PTPRJ: variants seen among roughly 807,000 people sequenced by gnomAD.
The protein encoded by PTPRJ is receptor-type tyrosine-protein phosphatase eta.
PTPRJ carries 129 observed loss-of-function variants against 141.3 expected under a neutral mutation model. The ratio of observed to expected loss-of-function variants is 0.91; its 90% CI spans 0.79 to 1.06. The LOEUF (loss-of-function observed/expected upper bound fraction) is 1.06. Among genes scored for constraint, PTPRJ ranks in the 50% least tolerant of loss-of-function variants. PTPRJ has a pLI of 0.00. For synonymous variants in PTPRJ, 610 were observed against 640.5 expected (o/e 0.95, Z 0.72); for missense variants, 1,601 against 1,679.7 (o/e 0.95, Z 0.82).
chr11:48,138,823 C>T (rs1032305135), intron 10 of PTPRJ, among the ~76,000 whole-genome samples: 1 of 152,158 alleles, frequency 6.6e-6, no homozygotes, highest in African/African-American at 2.4e-5. Flanking sequence ...ATAGGCCTCA[C>T]CTGTCTCAGA....
At position 48,132,698 on chromosome 11, in the gene PTPRJ, C is replaced by CAT. The variant is rs35135383; in HGVS notation, c.1615+1996_1615+1997dup. The CAT allele has an allele frequency of 8.8e-3, 7,515 of 849,462 alleles. 221 individuals are homozygous for CAT. In the African/African-American group the frequency reaches 0.09, roughly 10 times the overall value. 52.6% of individuals were successfully genotyped at this position (849,462 alleles called of 1,614,324 possible). ...CCTAGAACTTAAAGTATAATAAAAA[C>CAT]ATATATATATATATAAAAGAAATGG... On this transcript the variant is annotated intron_variant, in intron 8 of 24. Transcript: ENST00000418331.
intron 1 of PTPRJ, among the ~76,000 whole-genome samples, chr11:48,067,733 G>T (rs1186028262): frequency 6.6e-6 from 1 of 152,160 alleles, no homozygotes; most frequent in African/African-American, 2.4e-5. Context: ...ATGTTTTACA[G>T]ATTGGTCCAA....
At chr11:48,037,902 T>C (rs66468432) in intron 1 of PTPRJ, among the ~76,000 whole-genome samples, 8,824 of 152,038 alleles carry the variant, frequency 0.058, 300 homozygotes, top group Middle Eastern at 0.11. Flanking sequence ...TTTCACTTCC[T>C]GTTCTTTCTG....
chr11:47,998,641 C>T (rs991492710), intron 1 of PTPRJ, among the ~76,000 whole-genome samples: 12 of 152,130 alleles, frequency 7.9e-5, no homozygotes, highest in Non-Finnish European at 1.0e-4. Context: ...ATCAAGATTC[C>T]GTGAAAAAAT....
In PTPRJ at chr11:47,980,850, G is replaced by A; in HGVS notation, c.-63G>A. 1 of 1,073,698 alleles carries A rather than the reference G, an allele frequency of 9.3e-7. No individual in the cohort carries two copies. The highest frequency in any genetic ancestry group is 1.1e-6 in the Non-Finnish European group (1 of 889,146). 66.5% of individuals were successfully genotyped at this position (1,073,698 alleles called of 1,614,324 possible). A position where few individuals can be genotyped will look rare whatever the true frequency, so the allele number is the denominator to read the frequency against. Reference sequence around the variant, plus strand: ...GCAGGAGGCGGCGACGACGGTGCCCGGGCTCGGGCGCACGGCGGGGCCCGA... The same window carrying A: ...GCAGGAGGCGGCGACGACGGTGCCCAGGCTCGGGCGCACGGCGGGGCCCGA... On this transcript the variant is annotated 5_prime_UTR_variant, in exon 1 of 25. Transcript: ENST00000418331.
intron 1 of PTPRJ, among the ~76,000 whole-genome samples, chr11:48,070,410 A>T (rs1198824269): frequency 6.6e-6 from 1 of 151,566 alleles, no homozygotes; most frequent in Non-Finnish European, 1.5e-5. Flanking sequence ...GCTGGGCAGG[A>T]GAACTGCTGG....
rs976171567 is a variant in PTPRJ at position 48,145,005 on chromosome 11, G to T, written c.2792G>T (p.Cys931Phe). 6.2e-7 allele frequency: 1 copy of T among 1,614,176 alleles called. No individual in the cohort carries two copies. The highest frequency in any genetic ancestry group is 1.7e-5 in the Admixed American group (1 of 60,014). ...KLEPLGSYRA[C>F]VAGFTNITFH... Reference sequence around the variant, plus strand: ...TGCTCTTTGTTATCCCACAGGGCTTGTGTGGCTGGCTTCACCAACATTACC... The same window carrying T: ...TGCTCTTTGTTATCCCACAGGGCTTTTGTGGCTGGCTTCACCAACATTACC... The change falls in exon 14 of 25, where the codon TGT becomes TTT. Residue 931 changes from cysteine to phenylalanine, a missense_variant. Cys to Phe is a radical substitution (Grantham distance 205). Transcript: ENST00000418331.
chr11:48,027,314 C>T lies in PTPRJ; in HGVS notation c.96+46306C>T, dbSNP rs1853843897. Among the ~76,000 whole-genome samples the T allele has an allele frequency of 2.0e-5, 3 of 151,810 alleles. No individual in the cohort carries two copies. The South Asian group carries it at 6.2e-4, about 32-fold the overall frequency. On this transcript the variant is annotated intron_variant, in intron 1 of 24. Coordinates refer to ENST00000418331, the MANE Select transcript of PTPRJ (RefSeq NM_002843.4). Reference sequence around the variant, plus strand: ...GAGCCACCGCGCCCGGCCCGGAATACCCTTAAAATATAGCCAGAAAGGGCT... The same window carrying T: ...GAGCCACCGCGCCCGGCCCGGAATATCCTTAAAATATAGCCAGAAAGGGCT...
Position 48,048,564 on chromosome 11 carries a change from C to T in PTPRJ, c.97-61494C>T, listed in dbSNP as rs766105254. 2.6e-5 allele frequency among the ~76,000 whole-genome samples: 4 copies of T among 152,250 alleles called. No individual in the cohort carries two copies. The East Asian group carries it at 7.7e-4, about 29-fold the overall frequency. On this transcript the variant is annotated intron_variant, in intron 1 of 24. Transcript: ENST00000418331. Reference sequence around the variant, plus strand: ...ATCTCAGCACTTTGGGAGGCTGAGGCGGGCAGATCACTTGAGCCCAGGAGT... The same window carrying T: ...ATCTCAGCACTTTGGGAGGCTGAGGTGGGCAGATCACTTGAGCCCAGGAGT...
rs1171001184 is a variant in PTPRJ at position 48,153,872 on chromosome 11, A to C, written c.3215A>C (p.Asn1072Thr). The change falls in exon 19 of 25, where the codon AAT becomes ACT. Residue 1072 changes from asparagine to threonine, a missense_variant. Coordinates refer to ENST00000418331, the MANE Select transcript of PTPRJ (RefSeq NM_002843.4). ...GAGAATAGAGGAAAGAATCGCTATA[A>C]TAATGTTCTGCCCTGTAAGTTATTT... ...LAENRGKNRY[N>T]NVLPYDISRV... 8.1e-6 allele frequency: 13 copies of C among 1,611,676 alleles called. No homozygotes were observed. Among genetic ancestry groups the C allele is most frequent in the Non-Finnish European group, 1.1e-5 (13 of 1,177,928 alleles).
At chr11:48,098,147 C>T (rs1231864529) in intron 1 of PTPRJ, among the ~76,000 whole-genome samples, 1 of 152,166 alleles carries the variant, frequency 6.6e-6, no homozygotes, top group Non-Finnish European at 1.5e-5. Context: ...CCGCGCATGC[C>T]TATTCAGTCT....
chr11:48,135,198 G>A (rs1273938603), intron 8 of PTPRJ, among the ~76,000 whole-genome samples: 3 of 131,830 alleles, frequency 2.3e-5, no homozygotes, highest in Non-Finnish European at 4.7e-5. Flanking sequence ...TTTTGAGATG[G>A]AGTTTCGCTC....
chr11:48,167,562 A>G lies in PTPRJ; in HGVS notation c.*200A>G. 1 of 484,946 alleles carries G rather than the reference A, an allele frequency of 2.1e-6. No individual in the cohort carries two copies. Among genetic ancestry groups the G allele is most frequent in the Non-Finnish European group, 3.4e-6 (1 of 290,138 alleles). The allele number at this position is 484,946 out of a possible 1,614,324, so 30.0% of individuals were successfully genotyped here. On this transcript the variant is annotated 3_prime_UTR_variant, in exon 25 of 25. Transcript: ENST00000418331. Reference sequence around the variant, plus strand: ...CGGGGGCTGTGGATGGGTGGGGAGCAAATCATCTGCATTCCTGATGACCAA... The same window carrying G: ...CGGGGGCTGTGGATGGGTGGGGAGCGAATCATCTGCATTCCTGATGACCAA...
chr11:48,117,540 CAAAAAAAAAAAAAAAAA>C (rs71045545), intron 3 of PTPRJ, among the ~76,000 whole-genome samples: 4 of 19,696 alleles, frequency 2.0e-4, no homozygotes, highest in East Asian at 4.2e-3. Flanking sequence ...GATTCTGTCT[CAAAAAAAAAAAAAAAAA>C]AAAAAAAAAA....
At chr11:47,994,543 G>A (rs1211984238) in intron 1 of PTPRJ, among the ~76,000 whole-genome samples, 3 of 152,038 alleles carry the variant, frequency 2.0e-5, no homozygotes, top group Non-Finnish European at 4.4e-5. Flanking sequence ...AGCTGTTTGG[G>A]AGGCTGAGGC....
intron 1 of PTPRJ, among the ~76,000 whole-genome samples, chr11:48,071,444 G>GC (rs1855249019): frequency 1.3e-5 from 2 of 151,458 alleles, no homozygotes; most frequent in African/African-American, 4.8e-5. Context: ...AGCCTCCCGA[G>GC]TAGCTGGGAC....
chr11:48,163,419 C>G (rs976602739), intron 22 of PTPRJ, 39 bp from the exon 23 acceptor site: 1 of 1,596,834 alleles, frequency 6.3e-7, no homozygotes, highest in South Asian at 1.1e-5. Context: ...TGTTAGGCAG[C>G]CTTTCTGTCT....
intron 1 of PTPRJ, among the ~76,000 whole-genome samples, chr11:48,012,125 G>A (rs867703239): frequency 3.3e-5 from 5 of 152,250 alleles, no homozygotes; most frequent in African/African-American, 1.2e-4. Flanking sequence ...GGCATGGTGT[G>A]GGGGACCTGT....
chr11:48,109,909 A>G, intron 1 of PTPRJ, 149 bp from the exon 2 acceptor site: 1 of 816,664 alleles, frequency 1.2e-6, no homozygotes, highest in South Asian at 1.6e-5. Context: ...TAATGTCCCA[A>G]GACGGCCTAA....
Sources: gnomAD v4.1 joint callset for allele counts (sites outside exome capture counted in the v4.1 genomes callset) on GRCh38, gnomAD v4.1.1 for gene constraint, MANE v1.5 for transcripts, NCBI Gene and HGNC (gene_info 2026-07-23, HGNC 2026-07-21) for gene names.